Variants in MGAT4C observed in about 807,000 individuals in gnomAD.
MGAT4C encodes MGAT4 family member C.
A neutral mutation model predicts 40.1 loss-of-function variants in MGAT4C; 19 were observed. That is an observed-to-expected ratio of 0.47 (90% CI 0.33 to 0.70). The LOEUF is 0.70. Among genes scored for constraint, MGAT4C ranks in the 30% least tolerant of loss-of-function variants. MGAT4C has a pLI of 0.02. For synonymous variants in MGAT4C, 181 were observed against 187.1 expected, an observed-to-expected ratio of 0.97 and a Z score of 0.27; for missense variants, 491 against 563.2, an observed-to-expected ratio of 0.87 and a Z score of 1.30.
intron 1 of MGAT4C, among the ~76,000 whole-genome samples, chr12:86,816,045 CT>C (rs1952599709): frequency 6.6e-6 from 1 of 151,904 alleles, no homozygotes; most frequent in South Asian, 2.1e-4. Flanking sequence ...TATTGTTTCT[CT>C]GATCTTTATT....
chr12:86,826,403 A>C (rs1451468432), intron 1 of MGAT4C, among the ~76,000 whole-genome samples: 1 of 151,454 alleles, frequency 6.6e-6, no homozygotes, highest in East Asian at 1.9e-4. Flanking sequence ...GACTCTCAAA[A>C]GTCTAGTGTA....
chr12:86,303,402 G>T (rs1953860191), intron 4 of MGAT4C, among the ~76,000 whole-genome samples: 1 of 150,300 alleles, frequency 6.7e-6, no homozygotes, highest in Admixed American at 6.6e-5. Flanking sequence ...TAGCTGCATT[G>T]TCCCTATAGG....
At chr12:86,431,729 T>C (rs1957043114) in intron 3 of MGAT4C, among the ~76,000 whole-genome samples, 1 of 152,166 alleles carries the variant, frequency 6.6e-6, no homozygotes, top group Non-Finnish European at 1.5e-5. Context: ...TGACTGGAGC[T>C]GCAGCTTGCT....
rs1555227763 is a variant in MGAT4C at position 86,774,315 on chromosome 12, C to CTTTCTTTCTTTCTTTCTTTCTTTATTTCT, written c.-261-47075_-261-47074insAGAAATAAAGAAAGAAAGAAAGAAAGAAA. 7.4e-4 allele frequency among the ~76,000 whole-genome samples: 44 copies of CTTTCTTTCTTTCTTTCTTTCTTTATTTCT among 59,394 alleles called. 3 individuals are homozygous for CTTTCTTTCTTTCTTTCTTTCTTTATTTCT. Among genetic ancestry groups the CTTTCTTTCTTTCTTTCTTTCTTTATTTCT allele is most frequent in the African/African-American group, 2.2e-3 (42 of 18,668 alleles). The allele number at this position is 59,394 out of a possible 152,430, so 39.0% of individuals were successfully genotyped here. A position where few individuals can be genotyped will look rare whatever the true frequency, so the allele number is the denominator to read the frequency against. ...TCTTTCTTTCTTTCTTTCTTTCTTT[C>CTTTCTTTCTTTCTTTCTTTCTTTATTTCT]TTTCTTTCTTTCTTTCTTTCTTTCT... On this transcript the variant is annotated intron_variant, in intron 1 of 7. Transcript: ENST00000548651.
At chr12:86,166,110 G>C (rs1886164114) in intron 1 of MGAT4C, among the ~76,000 whole-genome samples, 1 of 152,070 alleles carries the variant, frequency 6.6e-6, no homozygotes, top group Non-Finnish European at 1.5e-5. Context: ...TATTATCTTT[G>C]AGTCATATCT....
chr12:86,366,940 T>C (rs1467221365), intron 3 of MGAT4C, among the ~76,000 whole-genome samples: 1 of 152,134 alleles, frequency 6.6e-6, no homozygotes, highest in African/African-American at 2.4e-5. Context: ...AGGAATATAA[T>C]GAACCACTTT....
intron 1 of MGAT4C, among the ~76,000 whole-genome samples, chr12:86,081,660 C>G (rs1016375373): frequency 6.6e-6 from 1 of 151,994 alleles, no homozygotes; most frequent in Non-Finnish European, 1.5e-5. Context: ...TGACAATTTT[C>G]CCTGTTGCTG....
At chr12:86,364,683 A>G (rs906356388) in intron 3 of MGAT4C, among the ~76,000 whole-genome samples, 5 of 152,124 alleles carry the variant, frequency 3.3e-5, no homozygotes, top group Admixed American at 6.5e-5. Flanking sequence ...AGTACAAAAG[A>G]GAGAAATTTT....
intron 1 of MGAT4C, among the ~76,000 whole-genome samples, chr12:86,772,638 T>TC (rs35593175): frequency 0.76 from 115,809 of 151,992 alleles, 44,986 homozygotes; most frequent in South Asian, 0.86. Flanking sequence ...ACCATGATGG[T>TC]CCAGAGGACT....
rs975576446 is a variant in MGAT4C at position 86,300,927 on chromosome 12, G to T, written c.-57+33138C>A. ...TCTAAGGAGGGATATCTAAGAACAA[G>T]TAAATCAATTCAAAACAGTGGGGAA... On this transcript the variant is annotated intron_variant, in intron 4 of 7. Coordinates refer to the MGAT4C transcript ENST00000548651. Among the ~76,000 whole-genome samples the T allele has an allele frequency of 3.9e-5, 6 of 152,108 alleles. No homozygotes were observed. The East Asian group carries it at 9.6e-4, about 24-fold the overall frequency.
chr12:86,468,286 T>C (rs1957710030), intron 2 of MGAT4C, among the ~76,000 whole-genome samples: 1 of 146,368 alleles, frequency 6.8e-6, no homozygotes, highest in East Asian at 2.2e-4. Flanking sequence ...TTTCAAATCA[T>C]TTTTTTTTCC....
chr12:86,703,572 T>C (rs576189707), intron 2 of MGAT4C, among the ~76,000 whole-genome samples: 1 of 152,294 alleles, frequency 6.6e-6, no homozygotes, highest in African/African-American at 2.4e-5. Flanking sequence ...ATAAAGTATT[T>C]TTTAATTAAA....
At chr12:86,633,322 T>C (rs1963121171) in intron 2 of MGAT4C, among the ~76,000 whole-genome samples, 3 of 152,092 alleles carry the variant, frequency 2.0e-5, no homozygotes, top group Admixed American at 6.6e-5. Flanking sequence ...TAGGCTGTAT[T>C]TACTATCATT....
chr12:86,394,563 A>ATATATATTTATATATGTGTATAAAATATT (rs1956217540), intron 3 of MGAT4C, among the ~76,000 whole-genome samples: 2 of 143,668 alleles, frequency 1.4e-5, no homozygotes, highest in Non-Finnish European at 3.0e-5. Context: ...TTATATATTT[A>ATATATATTTATATATGTGTATAAAATATT]TATATATTTA....
At chr12:86,801,178 C>T (rs963537400) in intron 1 of MGAT4C, among the ~76,000 whole-genome samples, 3 of 151,736 alleles carry the variant, frequency 2.0e-5, no homozygotes, top group African/African-American at 7.3e-5. Flanking sequence ...AGAGAATGGT[C>T]TAGAAAAGGC....
At chr12:86,407,233 T>C in intron 3 of MGAT4C, among the ~76,000 whole-genome samples, 1 of 152,152 alleles carries the variant, frequency 6.6e-6, no homozygotes, top group Admixed American at 6.6e-5. Context: ...TTTATCATTT[T>C]TCAACATTGT....
chr12:86,408,975 T>C (rs1163971225), intron 3 of MGAT4C, among the ~76,000 whole-genome samples: 1 of 152,182 alleles, frequency 6.6e-6, no homozygotes, highest in Admixed American at 6.6e-5. Context: ...ATTTTCTTTC[T>C]GATTTATTTT....
intron 2 of MGAT4C, among the ~76,000 whole-genome samples, chr12:86,540,992 C>T (rs1429573234): frequency 3.9e-5 from 6 of 152,234 alleles, no homozygotes; most frequent in East Asian, 1.9e-4. Flanking sequence ...CCTTACCATA[C>T]ATACTCAAAG....
At chr12:86,538,828 C>T (rs999110940) in intron 2 of MGAT4C, among the ~76,000 whole-genome samples, 1 of 151,864 alleles carries the variant, frequency 6.6e-6, no homozygotes, top group African/African-American at 2.4e-5. Flanking sequence ...AGGATGGTCT[C>T]GATCTTCTGA....
Sources: allele counts gnomAD v4.1 joint callset (sites outside exome capture counted in the v4.1 genomes callset), GRCh38; gene constraint gnomAD v4.1.1; transcripts MANE v1.5; gene names NCBI Gene and HGNC (gene_info 2026-07-23, HGNC 2026-07-21).